TNKS: variants seen among roughly 807,000 people sequenced by gnomAD.
TNKS encodes tankyrase.
TNKS carries 72 observed loss-of-function variants against 135.8 expected under a neutral mutation model. That is an observed-to-expected ratio of 0.53 (90% CI 0.44 to 0.64). The LOEUF (loss-of-function observed/expected upper bound fraction) is 0.64, where lower values mean the gene tolerates loss of function less well. Ranked by LOEUF, TNKS falls within the 30% of genes least tolerant of loss-of-function variation. The pLI, the probability that TNKS is intolerant of heterozygous loss-of-function variation, is 0.00. For synonymous variants in TNKS, 849 were observed against 649.3 expected, an observed-to-expected ratio of 1.31 and a Z score of -4.68; for missense variants, 1,769 against 1,674.0, an observed-to-expected ratio of 1.06 and a Z score of -0.99.
At chr8:9,613,031 GGTT>G (rs1799518829) in intron 2 of TNKS, among the ~76,000 whole-genome samples, 2 of 152,194 alleles carry the variant, frequency 1.3e-5, no homozygotes, top group South Asian at 4.1e-4. Flanking sequence ...GGTGAGGAGT[GGTT>G]GTTCTTGCTG....
chr8:9,764,808 C>A lies in TNKS; in HGVS notation c.3447+18C>A. 1.3e-6 allele frequency: 2 copies of A among 1,569,586 alleles called. No individual in the cohort carries two copies. Among genetic ancestry groups the A allele is most frequent in the African/African-American group, 1.4e-5 (1 of 72,778 alleles). The stretch of plus-strand genomic sequence containing the variant: ...TCATTCGAGTAAGTTTTTAAAGTTT[C>A]ATGGTGAAAACTGGATTGCAAGGCT... On this transcript the variant is annotated intron_variant, in intron 23 of 26. Transcript: ENST00000310430.
At chr8:9,697,578 A>G (rs2128804387) in intron 5 of TNKS, among the ~76,000 whole-genome samples, 1 of 152,308 alleles carries the variant, frequency 6.6e-6, no homozygotes, top group Middle Eastern at 3.4e-3. Context: ...AGGATCTATA[A>G]GGAACTTAAT....
intron 3 of TNKS, among the ~76,000 whole-genome samples, chr8:9,639,352 A>T (rs1022247262): frequency 8.5e-5 from 13 of 152,130 alleles, no homozygotes; most frequent in African/African-American, 2.9e-4. Flanking sequence ...TGAACAGTTT[A>T]TTGCCAGGAT....
rs756068245 is a variant in TNKS, at chr8:9,770,132, T to G, written c.3767T>G (p.Leu1256Arg). The G allele has an allele frequency of 6.2e-7, 1 of 1,613,194 alleles. No individual in the cohort carries two copies. The highest frequency in any genetic ancestry group is 1.7e-5 in the Admixed American group (1 of 60,010). ...CAAATGCTCTTCTGTAGAGTGACCC[T>G]TGGGAAATCCTTTCTGCAGTTTAGC... The part of the protein sequence containing the change: ...HRQMLFCRVT[L>R]GKSFLQFSTM... The change falls in exon 26 of 27, where the codon CTT becomes CGT. Residue 1256 changes from leucine (L) to arginine (R), a missense_variant. By Grantham distance (102) the Leu-to-Arg change is moderately radical (BLOSUM62 -2). Around this residue, in one of 5 missense-constraint regions of TNKS, gnomAD observed 722 missense variants for 688.9 expected, o/e 1.05. Coordinates refer to ENST00000310430, the MANE Select transcript of TNKS (RefSeq NM_003747.3).
intron 3 of TNKS, among the ~76,000 whole-genome samples, chr8:9,664,032 T>C (rs1017212683): frequency 6.6e-6 from 1 of 152,326 alleles, no homozygotes; most frequent in Middle Eastern, 3.4e-3. Context: ...CCAGCCCCTA[T>C]CTGGAGACTA....
intron 1 of TNKS, among the ~76,000 whole-genome samples, chr8:9,573,354 T>C (rs900576417): frequency 5.9e-5 from 9 of 152,204 alleles, no homozygotes; most frequent in Admixed American, 5.9e-4. Flanking sequence ...AAGACAAAAG[T>C]AAGGTATAGA....
At chr8:9,628,987 C>T (rs1563128286) in intron 3 of TNKS, among the ~76,000 whole-genome samples, 2 of 152,156 alleles carry the variant, frequency 1.3e-5, no homozygotes, top group African/African-American at 2.4e-5. Context: ...ACCTTGTGTT[C>T]AGTTCATCAT....
intron 26 of TNKS, among the ~76,000 whole-genome samples, chr8:9,771,548 G>A (rs915223283): frequency 7.2e-6 from 1 of 138,274 alleles, no homozygotes; most frequent in East Asian, 2.3e-4. Flanking sequence ...ACTGAGAGAG[G>A]AAGCAAGGGA....
chr8:9,590,297 C>T (rs972183090), intron 2 of TNKS, among the ~76,000 whole-genome samples: 1 of 152,118 alleles, frequency 6.6e-6, no homozygotes, highest in Non-Finnish European at 1.5e-5. Context: ...ATGCACCAAA[C>T]TTGTTCTGCC....
intron 3 of TNKS, among the ~76,000 whole-genome samples, chr8:9,656,245 G>A (rs933722865): frequency 6.6e-6 from 1 of 152,212 alleles, no homozygotes; most frequent in Non-Finnish European, 1.5e-5. Context: ...TATGTGAAAA[G>A]ACCAAATCTA....
At chr8:9,610,885 G>C (rs1799437485) in intron 2 of TNKS, among the ~76,000 whole-genome samples, 1 of 152,174 alleles carries the variant, frequency 6.6e-6, no homozygotes, top group Admixed American at 6.5e-5. Flanking sequence ...GAATTTAACA[G>C]AATGAGTCTT....
chr8:9,615,747 T>C, intron 3 of TNKS, 70 bp downstream of exon 3: 1 of 1,280,766 alleles, frequency 7.8e-7, no homozygotes, highest in Non-Finnish European at 1.1e-6. Flanking sequence ...AAAATCTTGT[T>C]ATGCTGAATT....
At chr8:9,610,593 T>A (rs1338321161) in intron 2 of TNKS, among the ~76,000 whole-genome samples, 1 of 152,120 alleles carries the variant, frequency 6.6e-6, no homozygotes, top group East Asian at 1.9e-4. Context: ...AAATTAAAAA[T>A]TTTCTTTGCT....
At chr8:9,762,622 G>A (rs1385521711) in intron 21 of TNKS, among the ~76,000 whole-genome samples, 1 of 152,124 alleles carries the variant, frequency 6.6e-6, no homozygotes, top group Non-Finnish European at 1.5e-5. Flanking sequence ...ATAAAATTGG[G>A]CTGGGCGCAG....
intron 3 of TNKS, chr8:9,671,142 A>G (rs778082980): frequency 4.0e-5 from 6 of 151,850 alleles, no homozygotes; most frequent in Non-Finnish European, 7.4e-5. Context: ...TTTCTTTTCT[A>G]TAGGTGACAT....
chr8:9,677,626 G>T (rs953431550), intron 3 of TNKS, among the ~76,000 whole-genome samples: 1 of 151,864 alleles, frequency 6.6e-6, no homozygotes, highest in East Asian at 1.9e-4. Context: ...ACAAAAGTTT[G>T]CTGAAGTACA....
chr8:9,572,602 A>G (rs1019491850), intron 1 of TNKS, among the ~76,000 whole-genome samples: 1 of 152,174 alleles, frequency 6.6e-6, no homozygotes, highest in African/African-American at 2.4e-5. Context: ...ATATAGTAAA[A>G]CAGAAAACTT....
chr8:9,626,545 T>C (rs187010692), intron 3 of TNKS, among the ~76,000 whole-genome samples: 1 of 152,346 alleles, frequency 6.6e-6, no homozygotes, highest in East Asian at 1.9e-4. Flanking sequence ...TTCATAGTTC[T>C]TGGTATGACA....
chr8:9,681,776 A>G (rs371881214), intron 5 of TNKS, among the ~76,000 whole-genome samples: 1 of 152,104 alleles, frequency 6.6e-6, no homozygotes, highest in Non-Finnish European at 1.5e-5. Context: ...AATTTTGCAG[A>G]TCAGATTTTT....
Sources: gnomAD v4.1 joint callset for allele counts (sites outside exome capture counted in the v4.1 genomes callset) on GRCh38, gnomAD v4.1.1 for gene constraint, gnomAD v4.1.1 regional missense constraint, MANE v1.5 for transcripts, NCBI Gene and HGNC (gene_info 2026-07-23, HGNC 2026-07-21) for gene names.